Variants in COX6B1 observed in about 807,000 individuals in gnomAD.
COX6B1 encodes cytochrome c oxidase subunit 6B1.
In COX6B1, 2 loss-of-function variants were observed where a neutral mutation model predicts 14.0. That is an observed-to-expected ratio of 0.14 (90% CI 0.06 to 0.45). COX6B1 has a LOEUF of 0.45. COX6B1 is among the 20% of genes least tolerant of loss of function. COX6B1 has a pLI of 0.98. For synonymous variants in COX6B1, 30 were observed against 39.7 expected (o/e 0.76, Z 0.92); for missense variants, 81 against 114.2 (o/e 0.71, Z 1.33).
chr19:35,656,852 T>G (rs1967894134), intron 3 of COX6B1, among the ~76,000 whole-genome samples: 1 of 152,174 alleles, frequency 6.6e-6, no homozygotes, highest in South Asian at 2.1e-4. Flanking sequence ...ATTGTTAGTA[T>G]CCTCATTTTA....
At chr19:35,656,833 G>A (rs1967893959) in intron 3 of COX6B1, among the ~76,000 whole-genome samples, 2 of 152,148 alleles carry the variant, frequency 1.3e-5, no homozygotes, top group South Asian at 2.1e-4. Flanking sequence ...ACCGTATGAG[G>A]TAGGTACTAT....
intron 3 of COX6B1, among the ~76,000 whole-genome samples, chr19:35,656,733 G>A (rs961343729): frequency 2.0e-5 from 3 of 151,944 alleles, no homozygotes; most frequent in Non-Finnish European, 4.4e-5. Flanking sequence ...CACCTGCTTC[G>A]GCCTCCCAAA....
At chr19:35,651,600 C>T (rs1967825617) in intron 2 of COX6B1, among the ~76,000 whole-genome samples, 1 of 151,828 alleles carries the variant, frequency 6.6e-6, no homozygotes, top group South Asian at 2.1e-4. Context: ...GAGATGGGGT[C>T]TCACTTTGTC....
intron 2 of COX6B1, among the ~76,000 whole-genome samples, chr19:35,652,233 G>A (rs1346165640): frequency 6.6e-6 from 1 of 151,434 alleles, no homozygotes; most frequent in Non-Finnish European, 1.5e-5. Flanking sequence ...GTTTCTCCAT[G>A]TTGGTCAGGC....
intron 3 of COX6B1, among the ~76,000 whole-genome samples, chr19:35,658,049 C>T (rs752903206): frequency 1.1e-3 from 170 of 152,270 alleles, no homozygotes; most frequent in South Asian, 8.3e-4. Context: ...ACATCGGCCC[C>T]GCAAAGTGCT....
intron 1 of COX6B1, among the ~76,000 whole-genome samples, chr19:35,649,731 C>T (rs1002626564): frequency 1.3e-5 from 2 of 151,748 alleles, no homozygotes; most frequent in African/African-American, 4.8e-5. Flanking sequence ...CCACCCACCT[C>T]GGCTTCCCAA....
intron 2 of COX6B1, 37 bp from the exon 3 acceptor site, chr19:35,654,534 T>C: frequency 6.4e-7 from 1 of 1,562,788 alleles, no homozygotes; most frequent in Non-Finnish European, 8.8e-7. Context: ...GTGTTCCAAC[T>C]CTTGATCTGG....
intron 3 of COX6B1, among the ~76,000 whole-genome samples, chr19:35,657,952 C>T (rs942784824): frequency 3.9e-5 from 6 of 151,984 alleles, no homozygotes; most frequent in South Asian, 2.1e-4. Context: ...CCACCATGCC[C>T]GGCTTATTTT....
At chr19:35,653,358 C>T (rs537585578) in intron 2 of COX6B1, among the ~76,000 whole-genome samples, 17 of 149,424 alleles carry the variant, frequency 1.1e-4, no homozygotes, top group African/African-American at 3.7e-4. Context: ...CTGCAACCTC[C>T]GCCTCCCGGG....
At chr19:35,657,649 C>CTTTTT (rs1967900770) in intron 3 of COX6B1, among the ~76,000 whole-genome samples, 1 of 120,984 alleles carries the variant, frequency 8.3e-6, no homozygotes, top group African/African-American at 3.2e-5. Flanking sequence ...TGGGCCTTTT[C>CTTTTT]ATTTTTTTTT....
In COX6B1 at chr19:35,651,317, A is replaced by C; in HGVS notation, c.74A>C (p.Asn25Thr). ...APFDSRFPNQ[N>T]QTRNCWQNYL... Reference sequence around the variant, plus strand: ...TTTGACAGCCGCTTCCCCAACCAGAACCAGACTAGAAACTGCTGGCAGAAC... The same window carrying C: ...TTTGACAGCCGCTTCCCCAACCAGACCCAGACTAGAAACTGCTGGCAGAAC... The change falls in exon 2 of 4, where the codon AAC becomes ACC. Residue 25 changes from asparagine to threonine, a missense_variant. Asn to Thr is a moderately conservative substitution (Grantham distance 65). Coordinates refer to ENST00000649813, the MANE Select transcript of COX6B1 (RefSeq NM_001863.5). The C allele has an allele frequency of 3.7e-6, 6 of 1,613,938 alleles. No individual in the cohort carries two copies. Among genetic ancestry groups the C allele is most frequent in the Non-Finnish European group, 5.1e-6 (6 of 1,179,934 alleles).
chr19:35,658,572 G>A (rs1202470025), intron 3 of COX6B1, 22 bp from the exon 4 acceptor site: 1 of 1,611,660 alleles, frequency 6.2e-7, no homozygotes. Flanking sequence ...ACTGCGGAGG[G>A]AATAACACTG....
intron 3 of COX6B1, among the ~76,000 whole-genome samples, chr19:35,656,113 A>C (rs2146373261): frequency 6.6e-6 from 1 of 152,222 alleles, no homozygotes; most frequent in South Asian, 2.1e-4. Context: ...TATAGGCATG[A>C]GCTACCGCAC....
intron 3 of COX6B1, among the ~76,000 whole-genome samples, chr19:35,658,051 C>T (rs1490018869): frequency 6.6e-6 from 1 of 152,146 alleles, no homozygotes; most frequent in Non-Finnish European, 1.5e-5. Flanking sequence ...ATCGGCCCCG[C>T]AAAGTGCTGG....
At chr19:35,655,787 C>CTT (rs35127035) in intron 3 of COX6B1, among the ~76,000 whole-genome samples, 1 of 146,646 alleles carries the variant, frequency 6.8e-6, no homozygotes, top group Admixed American at 6.8e-5. Context: ...CTCTCTCTCT[C>CTT]TTTGTCGCCC....
chr19:35,651,248 C>A lies in COX6B1; in HGVS notation c.5C>A (p.Ala2Glu). 1 of 1,613,448 alleles carries A rather than the reference C, an allele frequency of 6.2e-7. No individual in the cohort carries two copies. Among genetic ancestry groups the A allele is most frequent in the Non-Finnish European group, 8.5e-7 (1 of 1,179,502 alleles). ...TCGCCTCCAGGATTCAGCACCATGG[C>A]GGAAGACATGGAGACCAAAATCAAG... M[A>E]EDMETKIKNY... Residue 2 changes from alanine (A) to glutamate (E), a missense_variant, in exon 2 of 4, where the codon GCG becomes GAG. Transcript: ENST00000649813.
rs1301708076 is a variant in COX6B1, at chr19:35,654,366, A to G, written c.107-205A>G. On this transcript the variant is annotated intron_variant, in intron 2 of 3. Transcript: ENST00000649813. ...CTAAAAATACAAAAATTAGCTGGGCATGGTGGCAGGTGCCTGTAATCCCAG... is the reference window on the plus strand; with the variant it reads ...CTAAAAATACAAAAATTAGCTGGGCGTGGTGGCAGGTGCCTGTAATCCCAG... Among the ~76,000 whole-genome samples, 7 of 152,220 alleles carry G rather than the reference A, an allele frequency of 4.6e-5. No individual in the cohort carries two copies. In the East Asian group the frequency reaches 1.4e-3, roughly 30 times the overall value.
At chr19:35,649,822 A>G (rs1343422384) in intron 1 of COX6B1, among the ~76,000 whole-genome samples, 1 of 151,638 alleles carries the variant, frequency 6.6e-6, no homozygotes, top group African/African-American at 2.4e-5. Context: ...GGGTTTCACC[A>G]TGTTGCCCAG....
At chr19:35,651,028 A>G (rs1967818575) in intron 1 of COX6B1, among the ~76,000 whole-genome samples, 1 of 152,164 alleles carries the variant, frequency 6.6e-6, no homozygotes, top group Non-Finnish European at 1.5e-5. Flanking sequence ...GATTTTGCTG[A>G]GGAGTTGTAC....
Sources: gnomAD v4.1 joint callset for allele counts (sites outside exome capture counted in the v4.1 genomes callset) on GRCh38, gnomAD v4.1.1 for gene constraint, MANE v1.5 for transcripts, NCBI Gene and HGNC (gene_info 2026-07-23, HGNC 2026-07-21) for gene names.